CFAP57: variants seen among roughly 807,000 people sequenced by gnomAD.
CFAP57 encodes the protein cilia and flagella associated protein 57.
A neutral mutation model predicts 146.8 loss-of-function variants in CFAP57; 116 were observed. The observed-to-expected ratio is 0.79, with a 90% confidence interval of 0.68 to 0.92. The LOEUF (loss-of-function observed/expected upper bound fraction) is 0.92. Among genes scored for constraint, CFAP57 ranks in the 40% least tolerant of loss-of-function variants. The pLI is 0.00. For synonymous variants in CFAP57, 518 were observed against 552.8 expected, an observed-to-expected ratio of 0.94 and a Z score of 0.88; for missense variants, 1,377 against 1,527.2, an observed-to-expected ratio of 0.90 and a Z score of 1.64.
rs77061481 is a variant in CFAP57, at chr1:43,241,408, G to A, written c.3406-1819G>A. Among the ~76,000 whole-genome samples, 1,010 of 150,874 alleles carry A rather than the reference G, an allele frequency of 6.7e-3. 7 individuals carry two copies. Among genetic ancestry groups the A allele is most frequent in the African/African-American group, 0.023 (954 of 41,126 alleles). ...TGCTTTAGATGAAGCATTTCTGGAGGAAAAGAATCATTGCGGTGTCTCTAG... is the reference window on the plus strand; with the variant it reads ...TGCTTTAGATGAAGCATTTCTGGAGAAAAAGAATCATTGCGGTGTCTCTAG... On this transcript the variant is annotated intron_variant, in intron 21 of 22. Coordinates refer to ENST00000372492, the MANE Select transcript of CFAP57 (RefSeq NM_001378189.1).
At chr1:43,224,323 G>A (rs1645160666) in intron 17 of CFAP57, 119 bp downstream of exon 17, 2 of 1,181,502 alleles carry the variant, frequency 1.7e-6, no homozygotes, top group Non-Finnish European at 2.3e-6. Flanking sequence ...ACTTGATGGG[G>A]GAACCAGCCG....
chr1:43,212,087 G>C (rs1209061692), intron 11 of CFAP57, among the ~76,000 whole-genome samples: 1 of 152,204 alleles, frequency 6.6e-6, no homozygotes, highest in East Asian at 1.9e-4. Flanking sequence ...GAGTTCCCGT[G>C]TATCCCTCAA....
In CFAP57 at chr1:43,245,214, T is replaced by G. The variant is rs139766666; in HGVS notation, c.3538+1855T>G. 5.4e-3 allele frequency among the ~76,000 whole-genome samples: 819 copies of G among 151,910 alleles called. 10 individuals carry two copies. Among genetic ancestry groups the G allele is most frequent in the African/African-American group, 0.019 (781 of 41,404 alleles). ...GTCCCAGCTATTCGGGAGGTTGAGG[T>G]GTGAGGATTTTAGAGTAAAATTGAT... On this transcript the variant is annotated intron_variant, in intron 22 of 22. Transcript: ENST00000372492.
At chr1:43,178,528 G>GA (rs1301861562) in intron 2 of CFAP57, among the ~76,000 whole-genome samples, 1 of 152,154 alleles carries the variant, frequency 6.6e-6, no homozygotes, top group East Asian at 1.9e-4. Context: ...ACCGACACAT[G>GA]AAAAAATGCT....
chr1:43,215,464 T>A (rs754701420), intron 12 of CFAP57, 48 bp downstream of exon 12: 52 of 1,526,846 alleles, frequency 3.4e-5, no homozygotes, highest in Non-Finnish European at 4.4e-5. Context: ...CTTACCAGAC[T>A]GCATTCAGAT....
At chr1:43,182,589 C>T (rs552794606) in intron 3 of CFAP57, among the ~76,000 whole-genome samples, 3 of 152,332 alleles carry the variant, frequency 2.0e-5, no homozygotes, top group Admixed American at 2.0e-4. Context: ...AGTGTATTCC[C>T]TTCCTAGTAA....
rs1285656624 is a variant in CFAP57, at chr1:43,224,172, A to T, written c.2833A>T (p.Ile945Phe). 1.3e-6 allele frequency: 2 copies of T among 1,548,976 alleles called. No homozygotes were observed. Among genetic ancestry groups the T allele is most frequent in the South Asian group, 2.4e-5 (2 of 83,818 alleles). The change falls in exon 17 of 23, where the codon ATC becomes TTC. Residue 945 changes from isoleucine (I) to phenylalanine (F), a missense_variant. Ile to Phe is a conservative substitution (Grantham distance 21). Coordinates refer to ENST00000372492, the MANE Select transcript of CFAP57 (RefSeq NM_001378189.1). The stretch of plus-strand genomic sequence containing the variant: ...GGACATCCAAGGCCTCAAGCGAGAG[A>T]TCCAGGAAAGAGACGAGACTATTCA... ...EKDIQGLKRE[I>F]QERDETIQDK...
At position 43,238,622 on chromosome 1, in the gene CFAP57, A is replaced by G. The variant is rs564396161; in HGVS notation, c.3405+3984A>G. Among the ~76,000 whole-genome samples the G allele has an allele frequency of 3.4e-4, 52 of 152,222 alleles. No individual in the cohort carries two copies. Among genetic ancestry groups the G allele is most frequent in the African/African-American group, 1.1e-3 (47 of 41,526 alleles). On this transcript the variant is annotated intron_variant, in intron 21 of 22. Transcript: ENST00000372492. The surrounding 1 kb of genome is among the most constrained non-coding windows in gnomAD (Gnocchi z 4.3). ...ATCCACAAAGCCATCCAAAGCAAAA[A>G]CGGTCGACCTCAATGTGACCTCGGG...
chr1:43,218,645 T>A (rs1570176083), intron 12 of CFAP57, among the ~76,000 whole-genome samples: 1 of 151,896 alleles, frequency 6.6e-6, no homozygotes, highest in East Asian at 1.9e-4. Context: ...AAGAAGATAC[T>A]AGGCATAAAA....
At chr1:43,247,356 A>G (rs1646149436) in intron 22 of CFAP57, among the ~76,000 whole-genome samples, 1 of 152,220 alleles carries the variant, frequency 6.6e-6, no homozygotes, top group African/African-American at 2.4e-5. Flanking sequence ...TTCATACACA[A>G]TTCAATATCC....
chr1:43,215,132 A>G lies in CFAP57; in HGVS notation c.1930-123A>G. On this transcript the variant is annotated intron_variant, in intron 11 of 22. Transcript: ENST00000372492. ...CCTCTCTCATTCTTACCTGGGATCA[A>G]GTTTACCTCCCTGTGAGGCTGTGCC... The G allele has an allele frequency of 2.6e-6, 3 of 1,133,362 alleles. No homozygotes were observed. The South Asian group carries it at 4.3e-5, about 16-fold the overall frequency. The allele number at this position is 1,133,362 out of a possible 1,614,324, so 70.2% of individuals were successfully genotyped here.
chr1:43,231,271 C>A (rs1024542498), intron 18 of CFAP57, among the ~76,000 whole-genome samples: 1 of 152,158 alleles, frequency 6.6e-6, no homozygotes, highest in Non-Finnish European at 1.5e-5. Context: ...CTGGCACCCC[C>A]CAGAAGGTTA....
chr1:43,209,856 C>T lies in CFAP57; in HGVS notation c.1869C>T (p.Tyr623=), dbSNP rs747974100. The change falls in exon 11 of 23, where the codon TAC becomes TAT. Residue 623 remains tyrosine (Y), a synonymous_variant. Transcript: ENST00000372492. ...TGGGAACCATTCGTGCCATGAAGTACCCTCTGCCTCTGCAGAAGGAATTCA... is the reference window on the plus strand; with the variant it reads ...TGGGAACCATTCGTGCCATGAAGTATCCTCTGCCTCTGCAGAAGGAATTCA... ...TSVGTIRAMK[Y]PLPLQKEFNE... 7.4e-6 allele frequency: 12 copies of T among 1,614,090 alleles called. No homozygotes were observed. The highest frequency in any genetic ancestry group is 1.7e-6 in the Non-Finnish European group (2 of 1,180,056).
At chr1:43,228,604 T>C (rs1272132618) in intron 18 of CFAP57, among the ~76,000 whole-genome samples, 1 of 148,822 alleles carries the variant, frequency 6.7e-6, no homozygotes, top group Non-Finnish European at 1.5e-5. Flanking sequence ...TATGTCCTTG[T>C]GACAATGACT....
At chr1:43,215,908 A>C (rs892841628) in intron 12 of CFAP57, among the ~76,000 whole-genome samples, 1 of 152,346 alleles carries the variant, frequency 6.6e-6, no homozygotes, top group Middle Eastern at 3.4e-3. Context: ...TGTGCTAATA[A>C]TTAATAGGAC....
intron 4 of CFAP57, 32 bp from the exon 5 acceptor site, chr1:43,185,117 A>G (rs1642954115): frequency 3.7e-6 from 6 of 1,609,834 alleles, no homozygotes; most frequent in Non-Finnish European, 5.1e-6. Context: ...GATTGTCTCT[A>G]TAAATTATGT....
chr1:43,188,132 T>C (rs1429422264), intron 6 of CFAP57, among the ~76,000 whole-genome samples: 2 of 152,202 alleles, frequency 1.3e-5, no homozygotes, highest in South Asian at 2.1e-4. Flanking sequence ...ATCCATGTTG[T>C]AGCAGGTATC....
intron 9 of CFAP57, among the ~76,000 whole-genome samples, chr1:43,202,148 C>T (rs1644152709): frequency 6.6e-6 from 1 of 152,116 alleles, no homozygotes; most frequent in Non-Finnish European, 1.5e-5. Flanking sequence ...AATACAGATA[C>T]AGGATGCAGC....
chr1:43,227,960 C>T (rs1267143992), intron 18 of CFAP57, among the ~76,000 whole-genome samples: 1 of 152,182 alleles, frequency 6.6e-6, no homozygotes, highest in East Asian at 1.9e-4. Context: ...TCTGTCTGAT[C>T]AATTTCCAAA....
Sources: allele counts gnomAD v4.1 joint callset (sites outside exome capture counted in the v4.1 genomes callset), GRCh38; gene constraint gnomAD v4.1.1; non-coding constraint Gnocchi (gnomAD v3.1); transcripts MANE v1.5; gene names NCBI Gene and HGNC (gene_info 2026-07-23, HGNC 2026-07-21).